Variants in STK10 observed in about 807,000 individuals in gnomAD.
STK10 encodes serine/threonine kinase 10.
A neutral mutation model predicts 113.8 loss-of-function variants in STK10; 78 were observed. The observed-to-expected ratio is 0.69, with a 90% CI of 0.57 to 0.83. The LOEUF (loss-of-function observed/expected upper bound fraction) is 0.83. Ranked by LOEUF, STK10 falls within the 40% of genes least tolerant of loss-of-function variation. The probability of loss-of-function intolerance (pLI) is 0.00; values close to 1 mark genes in which losing one functional copy is unlikely to be tolerated. For synonymous variants in STK10, 465 were observed against 494.7 expected (o/e 0.94, Z 0.80); for missense variants, 1,109 against 1,280.1 (o/e 0.87, Z 2.04).
At chr5:172,057,215 C>T (rs1767825197) in intron 15 of STK10, 134 bp downstream of exon 15, 1 of 1,346,700 alleles carries the variant, frequency 7.4e-7, no homozygotes, top group South Asian at 1.3e-5. Flanking sequence ...CTCACTGCAG[C>T]CAGCCCTGGC....
At chr5:172,094,529 C>T (rs1768803985) in intron 8 of STK10, among the ~76,000 whole-genome samples, 1 of 151,976 alleles carries the variant, frequency 6.6e-6, no homozygotes, top group African/African-American at 2.4e-5. Flanking sequence ...ACTACAGGTG[C>T]ATGCCACCAC....
intron 10 of STK10, among the ~76,000 whole-genome samples, chr5:172,088,970 C>G (rs1037283560): frequency 1.3e-5 from 2 of 152,228 alleles, no homozygotes; most frequent in Admixed American, 6.5e-5. Flanking sequence ...TTTACCAACT[C>G]ACTGGTTTTG....
intron 6 of STK10, 47 bp from the exon 7 acceptor site, chr5:172,105,784 A>G: frequency 1.3e-6 from 2 of 1,562,664 alleles, no homozygotes; most frequent in Non-Finnish European, 1.8e-6. Context: ...GCAAGAGCAG[A>G]GAGAAGCCCC....
intron 7 of STK10, chr5:172,105,430 C>G (rs200629054): frequency 1.7e-6 from 1 of 576,440 alleles, no homozygotes; most frequent in Non-Finnish European, 3.1e-6. Flanking sequence ...TGTATCCCCA[C>G]TGGAACACAC....
chr5:172,127,283 C>T (rs1028398344), intron 3 of STK10, 90 bp downstream of exon 3: 4 of 1,432,788 alleles, frequency 2.8e-6, no homozygotes, highest in African/African-American at 2.8e-5. Context: ...GTGGAGGTCC[C>T]AGTCCTAGAC....
chr5:172,084,890 A>G (rs1269620902), intron 10 of STK10, among the ~76,000 whole-genome samples: 1 of 152,102 alleles, frequency 6.6e-6, no homozygotes, highest in Admixed American at 6.5e-5. Context: ...AGCATTTTGG[A>G]TTTTGGATTT....
rs11951082 is a variant in STK10, at chr5:172,145,169, A to G, written c.321+11455T>C. Reference sequence around the variant, plus strand: ...AGGGACATTTTTCATCCATTTGACCATCTGTCTCTCTGGCCACTGTTCTCT... The same window carrying G: ...AGGGACATTTTTCATCCATTTGACCGTCTGTCTCTCTGGCCACTGTTCTCT... On this transcript the variant is annotated intron_variant, in intron 2 of 18. Coordinates refer to ENST00000176763, the MANE Select transcript of STK10 (RefSeq NM_005990.4). 6.2e-3 allele frequency among the ~76,000 whole-genome samples: 940 copies of G among 152,278 alleles called. 14 individuals are homozygous for G. The highest frequency in any genetic ancestry group is 0.022 in the African/African-American group (903 of 41,554).
At chr5:172,170,257 C>T (rs1280650874) in intron 1 of STK10, among the ~76,000 whole-genome samples, 2 of 151,778 alleles carry the variant, frequency 1.3e-5, no homozygotes, top group East Asian at 1.9e-4. Flanking sequence ...GATAAGAAGT[C>T]GACTTTCTCC....
chr5:172,099,853 T>C (rs1329637798), intron 7 of STK10, among the ~76,000 whole-genome samples: 1 of 152,222 alleles, frequency 6.6e-6, no homozygotes, highest in Non-Finnish European at 1.5e-5. Flanking sequence ...GGGCACCCCA[T>C]GTATTGATCA....
chr5:172,056,435 GTTC>G (rs1767758591), intron 15 of STK10, among the ~76,000 whole-genome samples: 1 of 152,228 alleles, frequency 6.6e-6, no homozygotes, highest in Admixed American at 6.5e-5. Context: ...GCTCTGGGGA[GTTC>G]AGGGAAGGCT....
intron 18 of STK10, among the ~76,000 whole-genome samples, chr5:172,049,795 T>C (rs1159982231): frequency 6.6e-6 from 1 of 152,084 alleles, no homozygotes; most frequent in South Asian, 2.1e-4. Context: ...TGCACTCACA[T>C]GTGTTTATTT....
chr5:172,156,029 A>T (rs572566978), intron 2 of STK10, among the ~76,000 whole-genome samples: 1 of 151,392 alleles, frequency 6.6e-6, no homozygotes, highest in African/African-American at 2.4e-5. Context: ...GGTGTTGCTG[A>T]GTTTGGAAGA....
intron 1 of STK10, among the ~76,000 whole-genome samples, chr5:172,178,979 A>T (rs993847713): frequency 5.3e-5 from 8 of 152,156 alleles, no homozygotes; most frequent in African/African-American, 1.9e-4. Context: ...ACAGCTCCAT[A>T]ACAAAGAACG....
intron 12 of STK10, 148 bp from the exon 13 acceptor site, chr5:172,064,960 A>G: frequency 1.3e-6 from 1 of 768,432 alleles, no homozygotes; most frequent in Non-Finnish European, 2.1e-6. Context: ...CTCCCCACCA[A>G]GCCCCTCTGA....
chr5:172,187,453 T>A lies in STK10; in HGVS notation c.156+434A>T, dbSNP rs1349990137. Among the ~76,000 whole-genome samples the A allele has an allele frequency of 6.6e-6, 1 of 151,882 alleles. No homozygotes were observed. Among genetic ancestry groups the A allele is most frequent in the Non-Finnish European group, 1.5e-5 (1 of 67,982 alleles). Reference sequence around the variant, plus strand: ...GTCCAAGCGCAGCCGAGTTTCTCGGTCCACATCGCCTCGATATTCCCACAG... The same window carrying A: ...GTCCAAGCGCAGCCGAGTTTCTCGGACCACATCGCCTCGATATTCCCACAG... On this transcript the variant is annotated intron_variant, in intron 1 of 18. Coordinates refer to ENST00000176763, the MANE Select transcript of STK10 (RefSeq NM_005990.4). The surrounding 1 kb of genome is among the most constrained non-coding windows in gnomAD (Gnocchi z 4.6).
chr5:172,188,175 C>G lies in STK10; in HGVS notation c.-133G>C. 7.0e-7 allele frequency: 1 copy of G among 1,418,924 alleles called. No homozygotes were observed. Among genetic ancestry groups the G allele is most frequent in the African/African-American group, 1.5e-5 (1 of 68,148 alleles). The allele number at this position is 1,418,924 out of a possible 1,614,324, so 87.9% of individuals were successfully genotyped here. On this transcript the variant is annotated 5_prime_UTR_variant, in exon 1 of 19. Coordinates refer to ENST00000176763, the MANE Select transcript of STK10 (RefSeq NM_005990.4). This position sits in a 1 kb window ranked among gnomAD's most constrained non-coding sequence, Gnocchi z 5.6. Reference sequence around the variant, plus strand: ...GGTTCTCCCCAGACCCGCCTTTCCCCGCAGCCCGACCTCGGTCAAGTGTGC... The same window carrying G: ...GGTTCTCCCCAGACCCGCCTTTCCCGGCAGCCCGACCTCGGTCAAGTGTGC...
chr5:172,165,269 C>G (rs1427384150), intron 1 of STK10, among the ~76,000 whole-genome samples: 5 of 152,194 alleles, frequency 3.3e-5, no homozygotes, highest in Non-Finnish European at 5.9e-5. Context: ...TTAGCCACCC[C>G]TCCTTAACTC....
chr5:172,083,259 A>G (rs956462876), intron 10 of STK10, among the ~76,000 whole-genome samples, 175 bp from the exon 11 acceptor site: 2 of 152,218 alleles, frequency 1.3e-5, no homozygotes, highest in Non-Finnish European at 2.9e-5. Context: ...CAAAACCTTA[A>G]TAATCTTAAT....
intron 10 of STK10, among the ~76,000 whole-genome samples, chr5:172,088,324 G>A (rs1768616818): frequency 6.6e-6 from 1 of 152,086 alleles, no homozygotes; most frequent in Non-Finnish European, 1.5e-5. Flanking sequence ...AGGAGTTTGA[G>A]ACCAGCCTGG....
Sources: allele counts gnomAD v4.1 joint callset (sites outside exome capture counted in the v4.1 genomes callset), GRCh38; gene constraint gnomAD v4.1.1; non-coding constraint Gnocchi (gnomAD v3.1); transcripts MANE v1.5; gene names NCBI Gene and HGNC (gene_info 2026-07-23, HGNC 2026-07-21).